The following ADGRG4 variants were observed in gnomAD, a reference collection of about 807,000 sequenced individuals.
The protein encoded by ADGRG4 is G protein-coupled receptor 112.
Under a neutral mutation model 126.2 loss-of-function variants are expected in ADGRG4, and 122 were observed. That is an observed-to-expected ratio of 0.97 (90% CI 0.83 to 1.12). ADGRG4 has a LOEUF of 1.12. Ranked by LOEUF, ADGRG4 falls within the 50% of genes most tolerant of loss-of-function variation. The probability of loss-of-function intolerance (pLI) is 0.00; values close to 1 mark genes in which losing one functional copy is unlikely to be tolerated. For synonymous variants in ADGRG4, 943 were observed against 838.7 expected, an observed-to-expected ratio of 1.12 and a Z score of -2.15; for missense variants, 2,481 against 2,251.8, an observed-to-expected ratio of 1.10 and a Z score of -2.06.
intron 3 of ADGRG4, among the ~76,000 whole-genome samples, chrX:136,307,528 G>A (rs1280934921): frequency 8.9e-6 from 1 of 112,198 alleles, no homozygotes; most frequent in African/African-American, 3.2e-5. Context: ...AATGAGAATG[G>A]TGGTAGAATC....
intron 7 of ADGRG4, 130 bp downstream of exon 7, chrX:136,351,671 GTT>G (rs1222315771): frequency 1.9e-3 from 458 of 245,212 alleles, no homozygotes; most frequent in Middle Eastern, 4.9e-3. Context: ...CAGCTAAGTA[GTT>G]TTTTTTTTTT....
chrX:136,342,301 C>A (rs1038143890), intron 5 of ADGRG4, among the ~76,000 whole-genome samples: 1 of 111,649 alleles, frequency 9.0e-6, no homozygotes, highest in African/African-American at 3.3e-5. Context: ...CACATCATTC[C>A]AAGCCTTATT....
Position 136,349,447 on chromosome X carries a change from T to C in ADGRG4, c.5741T>C (p.Leu1914Pro). The change falls in exon 6 of 26, where the codon CTT becomes CCT. Residue 1914 changes from leucine (L) to proline (P), a missense_variant. Coordinates refer to ENST00000394143, the MANE Select transcript of ADGRG4 (RefSeq NM_153834.4). ...GAGATGGAAACAGAGACTCTACACC[T>C]TGTTCCTGGGCCTTTGTCAACATTC... The part of the protein sequence containing the change: ...SNEMETETLH[L>P]VPGPLSTFTA... 1 of 1,208,337 alleles carries C rather than the reference T, an allele frequency of 8.3e-7. No homozygotes were observed. Among genetic ancestry groups the C allele is most frequent in the Non-Finnish European group, 1.1e-6 (1 of 892,442 alleles).
At chrX:136,338,632 G>C (rs1041002873) in intron 5 of ADGRG4, among the ~76,000 whole-genome samples, 3 of 111,891 alleles carry the variant, frequency 2.7e-5, no homozygotes, top group Non-Finnish European at 3.8e-5. Context: ...GTAATTGCTT[G>C]CAGGATTATT....
chrX:136,416,418 C>A lies in ADGRG4; in HGVS notation c.9206-36C>A, dbSNP rs1269834014. On this transcript the variant is annotated intron_variant, in intron 25 of 25. Transcript: ENST00000394143. ...TCTACTATGTGCAAAGTCCCTGATG[C>A]CGCAGCTGAAAATTTTCTTTTTTTC... 2.0e-5 allele frequency: 23 copies of A among 1,148,656 alleles called. No homozygotes were observed. In the East Asian group the frequency reaches 6.4e-4, roughly 32 times the overall value. The allele number at this position is 1,148,656 out of a possible 1,213,427, so 94.7% of individuals were successfully genotyped here. A position where few individuals can be genotyped will look rare whatever the true frequency, so the allele number is the denominator to read the frequency against.
At position 136,379,691 on chromosome X, in the gene ADGRG4, A is replaced by G. The variant is rs1010743851; in HGVS notation, c.7776+6627A>G. 4.6e-5 allele frequency among the ~76,000 whole-genome samples: 5 copies of G among 109,854 alleles called. No homozygotes were observed. The South Asian group carries it at 1.6e-3, about 35-fold the overall frequency. On this transcript the variant is annotated intron_variant, in intron 15 of 25. Coordinates refer to ENST00000394143, the MANE Select transcript of ADGRG4 (RefSeq NM_153834.4). ...TGTATGTTGTGCAACTCTCACCACC[A>G]TATGTCTGCAGAACGTTGTTCATCT...
intron 24 of ADGRG4, among the ~76,000 whole-genome samples, 191 bp from the exon 25 acceptor site, chrX:136,413,969 G>A (rs1603301708): frequency 1.8e-5 from 2 of 110,894 alleles, no homozygotes; most frequent in Non-Finnish European, 3.8e-5. Context: ...TTGAACTCCC[G>A]ACCTCAGGTG....
intron 4 of ADGRG4, among the ~76,000 whole-genome samples, chrX:136,315,712 C>T (rs2074800925): frequency 9.0e-6 from 1 of 111,538 alleles, no homozygotes; most frequent in Non-Finnish European, 1.9e-5. Flanking sequence ...GAAATAGAGT[C>T]ATTGAAAATA....
At chrX:136,383,844 T>TTCTTTCTTTCTTTCTG (rs1569333884) in intron 15 of ADGRG4, among the ~76,000 whole-genome samples, 11 of 93,088 alleles carry the variant, frequency 1.2e-4, no homozygotes, top group African/African-American at 4.3e-4. Context: ...CTTTCTTTCT[T>TTCTTTCTTTCTTTCTG]TCTTTCTTTC....
chrX:136,404,523 C>T (rs753768219), intron 22 of ADGRG4, among the ~76,000 whole-genome samples: 11 of 111,717 alleles, frequency 9.8e-5, no homozygotes, highest in Non-Finnish European at 2.1e-4. Context: ...AAAAGTAAGC[C>T]CCGCTTCCAA....
intron 5 of ADGRG4, among the ~76,000 whole-genome samples, chrX:136,340,428 TC>T (rs1407382891): frequency 9.0e-6 from 1 of 111,631 alleles, no homozygotes; most frequent in African/African-American, 3.3e-5. Flanking sequence ...TAATTTGGGA[TC>T]CCCACTGAGT....
chrX:136,349,815 G>A lies in ADGRG4; in HGVS notation c.6109G>A (p.Val2037Met). 1.7e-6 allele frequency: 2 copies of A among 1,210,351 alleles called. No individual in the cohort carries two copies. The highest frequency in any genetic ancestry group is 2.2e-6 in the Non-Finnish European group (2 of 894,957). ...TGTTATGACTTCCTCTACAGTAGAG[G>A]TGTCAAAATCAACATTTCTGACATC... ...PHVMTSSTVEVSKSTFLTSDM... is the reference protein window; with the variant it reads ...PHVMTSSTVEMSKSTFLTSDM... Residue 2037 changes from valine (V) to methionine (M), a missense_variant, in exon 6 of 26, where the codon GTG becomes ATG. Physicochemically the swap from Val to Met is conservative, Grantham distance 21 (BLOSUM62 1). Transcript: ENST00000394143.
chrX:136,399,808 A>C (rs752364316), intron 20 of ADGRG4, 40 bp from the exon 21 acceptor site: 47 of 1,136,467 alleles, frequency 4.1e-5, no homozygotes, highest in Admixed American at 2.5e-4. Context: ...AAAAAAAAAA[A>C]AACAGACTTT....
intron 4 of ADGRG4, among the ~76,000 whole-genome samples, chrX:136,319,704 T>TATCTATC (rs968276828): frequency 1.2e-5 from 1 of 86,030 alleles, no homozygotes; most frequent in African/African-American, 4.2e-5. Context: ...TGATTCTATC[T>TATCTATC]ATCTATCTAT....
intron 13 of ADGRG4, among the ~76,000 whole-genome samples, chrX:136,364,279 T>G (rs1027049704): frequency 6.3e-5 from 7 of 111,676 alleles, no homozygotes; most frequent in African/African-American, 2.3e-4. Flanking sequence ...CACAGAGATA[T>G]TTTATGGATC....
At chrX:136,328,255 A>G (rs1277937401) in intron 5 of ADGRG4, among the ~76,000 whole-genome samples, 2 of 111,709 alleles carry the variant, frequency 1.8e-5, no homozygotes, top group Admixed American at 9.5e-5. Context: ...AGGACTTTGA[A>G]GTTGTTTCTA....
intron 16 of ADGRG4, among the ~76,000 whole-genome samples, chrX:136,388,518 A>G (rs953766696): frequency 2.7e-5 from 3 of 112,274 alleles, no homozygotes; most frequent in African/African-American, 9.7e-5. Context: ...AGTATAGGGT[A>G]ATAAGAATTC....
Position 136,405,941 on chromosome X carries a change from G to C in ADGRG4, c.8904G>C (p.Leu2968Phe). ...GGGGACCCATGAGGAACTTTTTCTT[G>C]TATTTGTTTGCCATTTTTAACACTT... ...FAWGPMRNFF[L>F]YLFAIFNTLQ... The change falls in exon 23 of 26, where the codon TTG becomes TTC. Residue 2968 changes from leucine (L) to phenylalanine (F), a missense_variant. Physicochemically the swap from Leu to Phe is conservative, Grantham distance 22. Coordinates refer to ENST00000394143, the MANE Select transcript of ADGRG4 (RefSeq NM_153834.4). The C allele has an allele frequency of 8.9e-7, 1 of 1,129,053 alleles. No homozygotes were observed. The allele number at this position is 1,129,053 out of a possible 1,213,427, so 93.0% of individuals were successfully genotyped here. A position where few individuals can be genotyped will look rare whatever the true frequency, so the allele number is the denominator to read the frequency against.
chrX:136,329,032 A>G (rs939366522), intron 5 of ADGRG4, among the ~76,000 whole-genome samples: 4 of 111,301 alleles, frequency 3.6e-5, no homozygotes, highest in Admixed American at 2.9e-4. Context: ...AACTGAATGC[A>G]GACACCACTT....
Sources: gnomAD v4.1 joint callset for allele counts (sites outside exome capture counted in the v4.1 genomes callset) on GRCh38, gnomAD v4.1.1 for gene constraint, MANE v1.5 for transcripts, NCBI Gene and HGNC (gene_info 2026-07-23, HGNC 2026-07-21) for gene names.